The following PAK1 variants were observed in gnomAD, a reference collection of about 807,000 sequenced individuals.
PAK1 encodes the protein p21 (RAC1) activated kinase 1, also known as serine/threonine-protein kinase PAK 1.
In PAK1, 29 loss-of-function variants were observed where a neutral mutation model predicts 67.4. The ratio of observed to expected loss-of-function variants is 0.43; its 90% confidence interval spans 0.32 to 0.59. The LOEUF (loss-of-function observed/expected upper bound fraction) is 0.59, where lower values mean the gene tolerates loss of function less well. Ranked by LOEUF, PAK1 falls within the 20% of genes least tolerant of loss-of-function variation. PAK1 has a pLI of 0.07. For synonymous variants in PAK1, 223 were observed against 237.4 expected, an observed-to-expected ratio of 0.94 and a Z score of 0.56; for missense variants, 337 against 670.7, an observed-to-expected ratio of 0.50 and a Z score of 5.50.
the PAK1 span, among the ~76,000 whole-genome samples, chr11:77,512,300 TTCC>T: frequency 6.6e-6 from 1 of 152,126 alleles, no homozygotes; most frequent in Non-Finnish European, 1.5e-5. Context: ...TCTCCCCATC[TTCC>T]TCTTCTGTGG....
At chr11:77,443,386 C>G (rs1346891513) in intron 1 of PAK1, among the ~76,000 whole-genome samples, 1 of 151,774 alleles carries the variant, frequency 6.6e-6, no homozygotes, top group Non-Finnish European at 1.5e-5. Context: ...AGCCCATTCC[C>G]AACAGCCACC....
At chr11:77,346,803 T>G (rs1367531060) in intron 9 of PAK1, among the ~76,000 whole-genome samples, 1 of 152,200 alleles carries the variant, frequency 6.6e-6, no homozygotes, top group Non-Finnish European at 1.5e-5. Flanking sequence ...AAATTGAGGC[T>G]AAGACTCATA....
chr11:77,505,450 A>C, the PAK1 span, among the ~76,000 whole-genome samples: 1 of 152,234 alleles, frequency 6.6e-6, no homozygotes, highest in African/African-American at 2.4e-5. Context: ...GGCCTCCCTA[A>C]GTGCTGAGAT....
chr11:77,366,189 G>C (rs1034231991), intron 5 of PAK1, among the ~76,000 whole-genome samples: 7 of 152,220 alleles, frequency 4.6e-5, no homozygotes, highest in African/African-American at 1.7e-4. Context: ...TATCAGACCT[G>C]ATTTACAAGA....
At chr11:77,379,200 A>G (rs991606779) in intron 4 of PAK1, 41 bp downstream of exon 4, 1 of 1,525,418 alleles carries the variant, frequency 6.6e-7, no homozygotes, top group Non-Finnish European at 8.9e-7. Flanking sequence ...CCAGATTAAA[A>G]CCATCTCTTG....
intron 1 of PAK1, among the ~76,000 whole-genome samples, chr11:77,453,179 ACC>A (rs1426531062): frequency 6.6e-6 from 1 of 152,056 alleles, no homozygotes; most frequent in Non-Finnish European, 1.5e-5. Context: ...ATATGGCAAA[ACC>A]CCGTCTCTAC....
chr11:77,388,214 G>C (rs1950688317), intron 2 of PAK1, among the ~76,000 whole-genome samples: 1 of 152,102 alleles, frequency 6.6e-6, no homozygotes, highest in African/African-American at 2.4e-5. Context: ...AGGTTACTTA[G>C]ATTTAGCCTA....
chr11:77,422,569 G>C (rs1156400085), intron 1 of PAK1, among the ~76,000 whole-genome samples: 1 of 133,502 alleles, frequency 7.5e-6, no homozygotes, highest in Non-Finnish European at 1.6e-5. Context: ...AAAAAAAAAA[G>C]TCACTAAAAT....
the PAK1 span, among the ~76,000 whole-genome samples, chr11:77,503,185 C>T: frequency 6.6e-6 from 1 of 152,156 alleles, no homozygotes; most frequent in African/African-American, 2.4e-5. Context: ...CAATCGATGA[C>T]TATCTTCCAG....
At chr11:77,503,533 T>C in the PAK1 span, among the ~76,000 whole-genome samples, 3 of 152,226 alleles carry the variant, frequency 2.0e-5, no homozygotes, top group Non-Finnish European at 1.5e-5. Context: ...GTTATCTCTA[T>C]CAATATTAGC....
the PAK1 span, among the ~76,000 whole-genome samples, chr11:77,503,827 A>G: frequency 1.1e-4 from 17 of 152,248 alleles, no homozygotes; most frequent in Non-Finnish European, 1.9e-4. Context: ...ACTCCAGTCT[A>G]GGCAACAGAG....
At chr11:77,358,181 C>T (rs1946300155) in intron 6 of PAK1, among the ~76,000 whole-genome samples, 1 of 151,822 alleles carries the variant, frequency 6.6e-6, no homozygotes, top group Admixed American at 6.6e-5. Flanking sequence ...CACAGAAGTG[C>T]TAGATGGTTC....
At chr11:77,513,858 C>G in the PAK1 span, among the ~76,000 whole-genome samples, 1 of 152,070 alleles carries the variant, frequency 6.6e-6, no homozygotes, top group African/African-American at 2.4e-5. Context: ...ATATTCCCAC[C>G]TACTTATAGT....
At chr11:77,442,432 C>G (rs1956395486) in intron 1 of PAK1, among the ~76,000 whole-genome samples, 1 of 152,350 alleles carries the variant, frequency 6.6e-6, no homozygotes, top group East Asian at 1.9e-4. Flanking sequence ...ATGCTGTGAA[C>G]TGCCCTGCCC....
intron 14 of PAK1, chr11:77,325,471 C>A: frequency 7.9e-7 from 1 of 1,269,594 alleles, no homozygotes; most frequent in Non-Finnish European, 1.1e-6. Flanking sequence ...GTGTTTAGTG[C>A]CTAAAATATG....
the PAK1 span, among the ~76,000 whole-genome samples, chr11:77,525,350 G>C: frequency 6.6e-6 from 1 of 151,982 alleles, no homozygotes; most frequent in East Asian, 1.9e-4. Flanking sequence ...AGGAAAAAAA[G>C]TGTGAAATTA....
Position 77,322,547 on chromosome 11 carries a change from A to G in PAK1, c.*727T>C, listed in dbSNP as rs1409028998. The G allele has an allele frequency of 2.0e-5, 4 of 195,282 alleles. No homozygotes were observed. The highest frequency in any genetic ancestry group is 3.2e-5 in the Non-Finnish European group (3 of 93,414). The allele number at this position is 195,282 out of a possible 1,614,324, so 12.1% of individuals were successfully genotyped here. ...CAGTATGTGCCCTAGAAAACCTCTC[A>G]ATGTTATAAACAAGGGACAGGATAG... is the stretch of plus-strand genomic sequence containing the variant. On this transcript the variant is annotated 3_prime_UTR_variant, in exon 15 of 15. Transcript: ENST00000356341.
chr11:77,383,909 A>G (rs988441263), intron 2 of PAK1, among the ~76,000 whole-genome samples: 1 of 152,216 alleles, frequency 6.6e-6, no homozygotes, highest in African/African-American at 2.4e-5. Context: ...AGTGGAAAGA[A>G]TCTCAGAGGA....
intron 5 of PAK1, among the ~76,000 whole-genome samples, chr11:77,360,526 G>A (rs547295074): frequency 6.6e-6 from 1 of 152,260 alleles, no homozygotes; most frequent in South Asian, 2.1e-4. Context: ...ACCTAATGTG[G>A]GAATACAGTT....
Sources: gnomAD v4.1 joint callset for allele counts (sites outside exome capture counted in the v4.1 genomes callset) on GRCh38, gnomAD v4.1.1 for gene constraint, MANE v1.5 for transcripts, NCBI Gene and HGNC (gene_info 2026-07-23, HGNC 2026-07-21) for gene names.